The following ANK2 variants were observed in gnomAD, a reference collection of about 807,000 sequenced individuals.
ANK2 encodes ankyrin-2.
Under a neutral mutation model 360.5 loss-of-function variants are expected in ANK2, and 83 were observed. The ratio of observed to expected loss-of-function variants is 0.23; its 90% confidence interval spans 0.19 to 0.28. The LOEUF is 0.28. Ranked by LOEUF, ANK2 falls within the 10% of genes least tolerant of loss-of-function variation. The pLI is 1.00. For synonymous variants in ANK2, 1,740 were observed against 1,759.5 expected (o/e 0.99, Z 0.28); for missense variants, 4,201 against 4,795.7 (o/e 0.88, Z 3.66).
chr4:113,023,676 G>A (rs1020966030), intron 2 of ANK2, among the ~76,000 whole-genome samples: 19 of 152,182 alleles, frequency 1.2e-4, no homozygotes, highest in African/African-American at 4.6e-4. Context: ...TTATTTAATC[G>A]TTGTTTTCTG....
At chr4:113,093,559 C>T (rs963959228) in intron 1 of ANK2, among the ~76,000 whole-genome samples, 4 of 152,078 alleles carry the variant, frequency 2.6e-5, no homozygotes, top group South Asian at 2.1e-4. Context: ...AGGCTGATCT[C>T]GAACTCCTGA....
At position 113,242,132 on chromosome 4, in the gene ANK2, G is replaced by A. The variant is rs2153573480; in HGVS notation, c.814G>A (p.Val272Met). 6.2e-7 allele frequency: 1 copy of A among 1,613,974 alleles called. No homozygotes were observed. ...TARNGITPLHVASKRGNTNMV... is the reference protein window; with the variant it reads ...TARNGITPLHMASKRGNTNMV... The stretch of plus-strand genomic sequence containing the variant: ...GTAGAATGGAATCACTCCTCTGCAT[G>A]TGGCTTCCAAAAGAGGAAATACAAA... The change falls in exon 9 of 46, where the codon GTG becomes ATG. Residue 272 changes from valine (V) to methionine (M), a missense_variant. Coordinates refer to ENST00000357077, the MANE Select transcript of ANK2 (RefSeq NM_001148.6).
chr4:113,335,824 G>A (rs2153957345), intron 29 of ANK2, 22 bp from the exon 30 acceptor site: 10 of 1,601,966 alleles, frequency 6.2e-6, no homozygotes, highest in Non-Finnish European at 8.6e-6. Context: ...TGTGAATGAA[G>A]GTGGGTCATT....
chr4:112,857,007 A>G (rs1002520201), intron 1 of ANK2, among the ~76,000 whole-genome samples: 8 of 152,188 alleles, frequency 5.3e-5, no homozygotes, highest in Non-Finnish European at 1.0e-4. Context: ...AAGGTAATCA[A>G]ATATCAAGGA....
Position 113,357,458 on chromosome 4 carries a change from A to G in ANK2, c.8840A>G (p.Asp2947Gly). 1 of 1,614,108 alleles carries G rather than the reference A, an allele frequency of 6.2e-7. No individual in the cohort carries two copies. The highest frequency in any genetic ancestry group is 8.5e-7 in the Non-Finnish European group (1 of 1,179,980). ...FSSEESKTQT[D>G]ANHTTSFHSS... The stretch of plus-strand genomic sequence containing the variant: ...AGTGAAGAAAGCAAAACCCAAACAG[A>G]TGCAAATCACACCACAAGTTTTCAC... The change falls in exon 38 of 46, where the codon GAT becomes GGT. Residue 2947 changes from aspartate (D) to glycine (G), a missense_variant. Physicochemically the swap from Asp to Gly is moderately conservative, Grantham distance 94. Around this residue, in one of 4 missense-constraint regions of ANK2, gnomAD observed 2,642 missense variants for 2,714.5 expected, o/e 0.97. Coordinates refer to ENST00000357077, the MANE Select transcript of ANK2 (RefSeq NM_001148.6).
intron 24 of ANK2, chr4:113,313,538 T>C (rs1428723190): frequency 4.6e-5 from 7 of 152,638 alleles, no homozygotes; most frequent in Admixed American, 3.9e-4. Flanking sequence ...GTATTCACCA[T>C]TTCCAAAATA....
chr4:112,718,545 C>A, the ANK2 span, among the ~76,000 whole-genome samples: 1 of 152,174 alleles, frequency 6.6e-6, no homozygotes, highest in Admixed American at 6.5e-5. Flanking sequence ...AACTCCTGAC[C>A]TCAGGTAATC....
At chr4:113,159,191 CCACACACACACACACACA>C (rs57967546) in intron 1 of ANK2, among the ~76,000 whole-genome samples, 1 of 141,942 alleles carries the variant, frequency 7.0e-6, no homozygotes, top group Non-Finnish European at 1.5e-5. Context: ...CTCTTTCCTT[CCACACACACACACACACA>C]CACACACACA....
chr4:112,817,096 C>CT (rs1457437950), upstream of ANK2, among the ~76,000 whole-genome samples: 1 of 152,196 alleles, frequency 6.6e-6, no homozygotes, highest in Non-Finnish European at 1.5e-5. Flanking sequence ...TCACAGCTGT[C>CT]TAAGCGGGCT....
chr4:113,193,819 C>G (rs2098708833), intron 2 of ANK2, among the ~76,000 whole-genome samples: 1 of 152,140 alleles, frequency 6.6e-6, no homozygotes, highest in South Asian at 2.1e-4. Context: ...TAACCTCTTT[C>G]AAAAACTTTC....
In ANK2 at chr4:113,369,654, G is replaced by A. The variant is rs138085317; in HGVS notation, c.11459G>A (p.Arg3820Gln). Residue 3820 changes from arginine to glutamine, a missense_variant, in exon 43 of 46, where the codon CGG (arginine) becomes CAG (glutamine). Arg to Gln is a conservative substitution (Grantham distance 43, BLOSUM62 1). Coordinates refer to ENST00000357077, the MANE Select transcript of ANK2 (RefSeq NM_001148.6). ...LYLQTPTSSE[R>Q]GGSPIIQEPE... Reference sequence around the variant, plus strand: ...CTCCAGACCCCAACATCCAGCGAGCGGGGAGGCTCTCCCATCATACAAGAA... The same window carrying A: ...CTCCAGACCCCAACATCCAGCGAGCAGGGAGGCTCTCCCATCATACAAGAA... 1.4e-4 allele frequency: 221 copies of A among 1,613,934 alleles called. 1 individual carries two copies. In the African/African-American group the frequency reaches 2.3e-3, roughly 17 times the overall value.
intron 1 of ANK2, among the ~76,000 whole-genome samples, chr4:113,097,142 TACTC>T (rs1443455602): frequency 1.7e-5 from 2 of 120,098 alleles, no homozygotes; most frequent in African/African-American, 7.1e-5. Context: ...GAGTCACTCA[TACTC>T]TCTCTCTCTC....
At chr4:113,325,914 A>G (rs907240289) in intron 26 of ANK2, among the ~76,000 whole-genome samples, 3 of 152,188 alleles carry the variant, frequency 2.0e-5, no homozygotes, top group Non-Finnish European at 4.4e-5. Flanking sequence ...CCATCAATCC[A>G]TATTACTGCC....
chr4:112,795,110 A>G, the ANK2 span, among the ~76,000 whole-genome samples: 1 of 152,188 alleles, frequency 6.6e-6, no homozygotes, highest in Non-Finnish European at 1.5e-5. Context: ...AAACTTTGCA[A>G]TAATAGAAGT....
At chr4:112,838,195 C>T (rs2061393922) in intron 1 of ANK2, among the ~76,000 whole-genome samples, 2 of 152,164 alleles carry the variant, frequency 1.3e-5, no homozygotes, top group African/African-American at 2.4e-5. Flanking sequence ...AAGTGTGGCA[C>T]TTCCTCATTC....
chr4:113,287,505 A>G, intron 18 of ANK2, 100 bp from the exon 19 acceptor site: 1 of 971,064 alleles, frequency 1.0e-6, no homozygotes, highest in Non-Finnish European at 1.6e-6. Context: ...TGAGTTTTCC[A>G]GGATATTTTC....
chr4:112,963,321 C>G (rs1561309925), intron 2 of ANK2, among the ~76,000 whole-genome samples: 1 of 152,054 alleles, frequency 6.6e-6, no homozygotes, highest in African/African-American at 2.4e-5. Context: ...ATGTACAAGG[C>G]AAAAACATTC....
chr4:113,311,519 C>A, intron 24 of ANK2, 120 bp downstream of exon 24: 2 of 1,280,330 alleles, frequency 1.6e-6, no homozygotes, highest in Non-Finnish European at 2.2e-6. Flanking sequence ...TTAATCTCAG[C>A]AGTTAGCATG....
At chr4:112,968,406 G>A (rs551286717) in intron 2 of ANK2, among the ~76,000 whole-genome samples, 10 of 152,224 alleles carry the variant, frequency 6.6e-5, no homozygotes, top group African/African-American at 2.4e-4. Flanking sequence ...GAAGATGATG[G>A]CCATCCCAGA....
Sources: gnomAD v4.1 joint callset for allele counts (sites outside exome capture counted in the v4.1 genomes callset) on GRCh38, gnomAD v4.1.1 for gene constraint, gnomAD v4.1.1 regional missense constraint, MANE v1.5 for transcripts, NCBI Gene and HGNC (gene_info 2026-07-23, HGNC 2026-07-21) for gene names.